WASHC2A: variants seen among roughly 807,000 people sequenced by gnomAD.
WASHC2A encodes WASH complex subunit 2A, also known as WASH complex subunit FAM21A.
A neutral mutation model predicts 140.3 loss-of-function variants in WASHC2A; 82 were observed. That is an observed-to-expected ratio of 0.58 (90% CI 0.49 to 0.70). The LOEUF (loss-of-function observed/expected upper bound fraction) is 0.70. Ranked by LOEUF, WASHC2A falls within the 30% of genes least tolerant of loss-of-function variation. The probability of loss-of-function intolerance (pLI) is 0.00; values close to 1 mark genes in which losing one functional copy is unlikely to be tolerated. For synonymous variants in WASHC2A, 340 were observed against 560.8 expected (o/e 0.61, Z 5.56); for missense variants, 985 against 1,521.8 (o/e 0.65, Z 5.87).
At chr10:50,101,192 C>T (rs1250768919) in intron 17 of WASHC2A, among the ~76,000 whole-genome samples, 1 of 152,312 alleles carries the variant, frequency 6.6e-6, no homozygotes, top group African/African-American at 2.4e-5. Context: ...AGTTAAGTCA[C>T]AACCCTGACC....
rs1843578154 is a variant in WASHC2A at position 50,127,895 on chromosome 10, C to T, written c.3087+100C>T. The T allele has an allele frequency of 2.0e-5, 29 of 1,447,072 alleles. 1 individual carries two copies. Among genetic ancestry groups the T allele is most frequent in the Non-Finnish European group, 2.7e-5 (28 of 1,054,632 alleles). 89.6% of individuals were successfully genotyped at this position (1,447,072 alleles called of 1,614,324 possible). ...GTTGCATACACAGCAGTCTTTGACT[C>T]TCCTTTTGAAGGAGGTGCCTCATCC... On this transcript the variant is annotated intron_variant, in intron 28 of 30. Transcript: ENST00000282633.
At chr10:50,111,618 A>G (rs1412838572) in intron 20 of WASHC2A, among the ~76,000 whole-genome samples, 2 of 152,228 alleles carry the variant, frequency 1.3e-5, no homozygotes, top group African/African-American at 4.8e-5. Context: ...GCCAGTTAGC[A>G]TCGTGACTGC....
intron 17 of WASHC2A, among the ~76,000 whole-genome samples, chr10:50,101,217 T>C (rs1393061846): frequency 2.6e-5 from 4 of 152,312 alleles, no homozygotes; most frequent in Non-Finnish European, 5.9e-5. Context: ...AGAAACAGCA[T>C]GATGGGGCCT....
In WASHC2A at chr10:50,127,731, G is replaced by A; in HGVS notation, c.3023G>A (p.Ser1008Asn). Residue 1008 changes from serine to asparagine, a missense_variant, in exon 28 of 31, where the codon AGT becomes AAT. By Grantham distance (46) the Ser-to-Asn change is conservative. Transcript: ENST00000282633. ...GAAAGTGTGCCTGTCCTTCCCGGGA[G>A]TGGGGAGGCCGGTGTGAGTTTTGAT... is the stretch of plus-strand genomic sequence containing the variant. ...GLESVPVLPG[S>N]GEAGVSFDLP... The A allele has an allele frequency of 5.8e-6, 9 of 1,563,772 alleles. No individual in the cohort carries two copies. The highest frequency in any genetic ancestry group is 7.8e-6 in the Non-Finnish European group (9 of 1,150,402).
rs574055067 is a variant in WASHC2A at position 50,118,122 on chromosome 10, C to G, written c.2295+64C>G. On this transcript the variant is annotated intron_variant, in intron 22 of 30. Coordinates refer to ENST00000282633, the MANE Select transcript of WASHC2A (RefSeq NM_001005751.3). ...TCTCGTATGTTGTTTCAAACACACA[C>G]AACCCCTTAAGTTTTTTGACCACAG... The G allele has an allele frequency of 1.6e-4, 236 of 1,444,940 alleles. 14 individuals are homozygous for G. In the African/African-American group the frequency reaches 2.9e-3, roughly 18 times the overall value. The allele number at this position is 1,444,940 out of a possible 1,614,324, so 89.5% of individuals were successfully genotyped here. A position where few individuals can be genotyped will look rare whatever the true frequency, so the allele number is the denominator to read the frequency against.
intron 21 of WASHC2A, among the ~76,000 whole-genome samples, chr10:50,115,590 G>A (rs1339723940): frequency 3.7e-5 from 5 of 136,698 alleles, no homozygotes; most frequent in African/African-American, 8.2e-5. Context: ...CATAGGGGTC[G>A]CAGTTGCAGG....
At chr10:50,089,913 C>T (rs2805155) in intron 8 of WASHC2A, among the ~76,000 whole-genome samples, 44,242 of 151,668 alleles carry the variant, frequency 0.29, 7,268 homozygotes, top group Middle Eastern at 0.44. Flanking sequence ...AGTTCGAGAC[C>T]AGCCTGGCCA....
rs536447431 is a variant in WASHC2A, at chr10:50,072,035, TG to T, written c.291+2325del. Among the ~76,000 whole-genome samples, 404 of 130,606 alleles carry T rather than the reference TG, an allele frequency of 3.1e-3. 4 individuals carry two copies. Among genetic ancestry groups the T allele is most frequent in the African/African-American group, 0.011 (383 of 34,066 alleles). 85.7% of individuals were successfully genotyped at this position (130,606 alleles called of 152,430 possible). On this transcript the variant is annotated intron_variant, in intron 3 of 30. Coordinates refer to ENST00000282633, the MANE Select transcript of WASHC2A (RefSeq NM_001005751.3). ...GCAATTCTCCTGCCCACACCTCCCATGTAGTTGGGATTACAGGCTCCCGCCA... is the reference window on the plus strand; with the variant it reads ...GCAATTCTCCTGCCCACACCTCCCATTAGTTGGGATTACAGGCTCCCGCCA...
At chr10:50,103,082 T>A (rs1841372686) in intron 17 of WASHC2A, among the ~76,000 whole-genome samples, 1 of 150,252 alleles carries the variant, frequency 6.7e-6, no homozygotes, top group Non-Finnish European at 1.5e-5. Context: ...ACTCCTGACC[T>A]CAGGTGATCT....
Position 50,110,033 on chromosome 10 carries a change from G to A in WASHC2A, c.1870-68G>A, listed in dbSNP as rs1362665754. On this transcript the variant is annotated intron_variant, in intron 19 of 30. Transcript: ENST00000282633. ...GATTCACCCGCCTCGGCCTCCCAAA[G>A]TGCTGGGATTATAGGTATGAGCCAC... The A allele has an allele frequency of 7.0e-6, 10 of 1,421,870 alleles. No homozygotes were observed. The African/African-American group carries it at 1.0e-4, about 14-fold the overall frequency. The allele number at this position is 1,421,870 out of a possible 1,614,324, so 88.1% of individuals were successfully genotyped here. A position where few individuals can be genotyped will look rare whatever the true frequency, so the allele number is the denominator to read the frequency against.
rs2490899 is a variant in WASHC2A at position 50,104,112 on chromosome 10, T to C, written c.1706T>C (p.Leu569Ser). The C allele has an allele frequency of 0.032, 41,686 of 1,305,192 alleles. 10,317 individuals are homozygous for C. Among genetic ancestry groups the C allele is most frequent in the Admixed American group, 0.084 (3,559 of 42,180 alleles). The allele number at this position is 1,305,192 out of a possible 1,614,324, so 80.9% of individuals were successfully genotyped here. A position where few individuals can be genotyped will look rare whatever the true frequency, so the allele number is the denominator to read the frequency against. Residue 569 changes from leucine to serine, a missense_variant, in exon 18 of 31, where the codon TTG becomes TCG. Transcript: ENST00000282633. ...ASLLPGKLPT[L>S]VSLFDDEDEE... ...CTGCTGCCTGGCAAGCTCCCCACGTTGGTTTCCCTGTTTGATGATGAAGAT... is the reference window on the plus strand; with the variant it reads ...CTGCTGCCTGGCAAGCTCCCCACGTCGGTTTCCCTGTTTGATGATGAAGAT...
At chr10:50,086,258 C>G (rs1839366282) in intron 7 of WASHC2A, among the ~76,000 whole-genome samples, 2 of 150,176 alleles carry the variant, frequency 1.3e-5, no homozygotes, top group Non-Finnish European at 3.0e-5. Flanking sequence ...TTCCAGTCCT[C>G]CAAAGAAAAA....
chr10:50,097,737 G>A lies in WASHC2A; in HGVS notation c.1483G>A (p.Ala495Thr). 2 of 1,606,856 alleles carry A rather than the reference G, an allele frequency of 1.2e-6. No homozygotes were observed. The highest frequency in any genetic ancestry group is 2.2e-5 in the East Asian group (1 of 44,774). ...AGAAGGAGATCTGTTCAAAGAAAAA[G>A]CCGTAGCATCGCCAGAAGCCACTGT... Reference protein sequence around the residue: ...DEEGDLFKEKAVASPEATVSQ... With the variant: ...DEEGDLFKEKTVASPEATVSQ... The change falls in exon 16 of 31, where the codon GCC (alanine) becomes ACC (threonine). Residue 495 changes from alanine to threonine, a missense_variant. Physicochemically the swap from Ala to Thr is moderately conservative, Grantham distance 58. Transcript: ENST00000282633.
intron 5 of WASHC2A, 71 bp from the exon 6 acceptor site, chr10:50,084,001 G>A (rs1839171990): frequency 2.1e-5 from 30 of 1,456,524 alleles, no homozygotes; most frequent in Non-Finnish European, 2.6e-5. Flanking sequence ...ATGGAACAGG[G>A]TATCAGGTGG....
Position 50,127,670 on chromosome 10 carries a change from T to C in WASHC2A, c.2962T>C (p.Phe988Leu). 2 of 1,600,634 alleles carry C rather than the reference T, an allele frequency of 1.2e-6. No individual in the cohort carries two copies. Among genetic ancestry groups the C allele is most frequent in the Non-Finnish European group, 1.7e-6 (2 of 1,172,972 alleles). Residue 988 changes from phenylalanine (F) to leucine (L), a missense_variant, in exon 28 of 31, where the codon TTT becomes CTT. Transcript: ENST00000282633. ...AAAGCCTGTTTTGCCAGAATTGGCT[T>C]TTCCTTCATCTGAACACAGAAGGAG... ...EVKPVLPELAFPSSEHRRSHG... is the reference protein window; with the variant it reads ...EVKPVLPELALPSSEHRRSHG...
In WASHC2A at chr10:50,121,108, A is replaced by G. The variant is rs1270275615; in HGVS notation, c.2478+1339A>G. 3.7e-4 allele frequency among the ~76,000 whole-genome samples: 55 copies of G among 149,678 alleles called. 1 individual carries two copies. Among genetic ancestry groups the G allele is most frequent in the Middle Eastern group, 3.4e-3 (1 of 294 alleles). Reference sequence around the variant, plus strand: ...AACACAACAATGTCCACTCTTGGTAATTCTAATCAACCTTGTACTGGGGAT... The same window carrying G: ...AACACAACAATGTCCACTCTTGGTAGTTCTAATCAACCTTGTACTGGGGAT... On this transcript the variant is annotated intron_variant, in intron 23 of 30. Transcript: ENST00000282633.
intron 13 of WASHC2A, 108 bp from the exon 14 acceptor site, chr10:50,095,040 A>C: frequency 6.3e-7 from 1 of 1,587,798 alleles, no homozygotes. Flanking sequence ...AAGTGGTTTC[A>C]AAAGGTCTGA....
chr10:50,127,479 C>T, intron 27 of WASHC2A, 104 bp from the exon 28 acceptor site: 1 of 1,611,352 alleles, frequency 6.2e-7, no homozygotes, highest in South Asian at 1.1e-5. Flanking sequence ...CTCTACTCCT[C>T]TCGTATTATA....
chr10:50,088,558 C>A (rs1839597778), intron 8 of WASHC2A, among the ~76,000 whole-genome samples: 1 of 151,102 alleles, frequency 6.6e-6, no homozygotes, highest in Non-Finnish European at 1.5e-5. Flanking sequence ...CCACGCCCAG[C>A]CAATATTTTC....
Sources: gnomAD v4.1 joint callset for allele counts (sites outside exome capture counted in the v4.1 genomes callset) on GRCh38, gnomAD v4.1.1 for gene constraint, MANE v1.5 for transcripts, NCBI Gene and HGNC (gene_info 2026-07-23, HGNC 2026-07-21) for gene names.